TM9SF3: variants seen among roughly 807,000 people sequenced by gnomAD.
TM9SF3 encodes the protein SM-11044-binding protein.
A neutral mutation model predicts 78.6 loss-of-function variants in TM9SF3; 14 were observed. The ratio of observed to expected loss-of-function variants is 0.18; its 90% CI spans 0.12 to 0.28. TM9SF3 has a LOEUF of 0.28. Ranked by LOEUF, TM9SF3 falls within the 10% of genes least tolerant of loss-of-function variation. TM9SF3 has a pLI of 1.00. For synonymous variants in TM9SF3, 231 were observed against 241.7 expected (o/e 0.96, Z 0.41); for missense variants, 496 against 721.9 (o/e 0.69, Z 3.59).
chr10:96,525,686 C>T (rs1317649886), intron 14 of TM9SF3, among the ~76,000 whole-genome samples: 1 of 151,914 alleles, frequency 6.6e-6, no homozygotes, highest in African/African-American at 2.4e-5. Flanking sequence ...GAAAATTATC[C>T]ACTCTCTGGA....
At chr10:96,579,122 A>G (rs564451134) in intron 1 of TM9SF3, among the ~76,000 whole-genome samples, 2 of 152,372 alleles carry the variant, frequency 1.3e-5, no homozygotes, top group East Asian at 3.9e-4. Flanking sequence ...TTTAATAAAT[A>G]TGATGGGAAA....
At chr10:96,559,632 A>G (rs1328244508) in intron 5 of TM9SF3, 27 bp downstream of exon 5, 2 of 1,495,816 alleles carry the variant, frequency 1.3e-6, no homozygotes, top group Non-Finnish European at 1.8e-6. Flanking sequence ...CACATAATCA[A>G]TGTCTTAAAA....
chr10:96,528,500 C>T (rs1031353657), intron 11 of TM9SF3, among the ~76,000 whole-genome samples: 4 of 151,994 alleles, frequency 2.6e-5, no homozygotes, highest in African/African-American at 9.7e-5. Flanking sequence ...TATTTGTATC[C>T]ATATTGTTTT....
chr10:96,562,789 G>A (rs1288292170), intron 3 of TM9SF3, among the ~76,000 whole-genome samples: 1 of 152,114 alleles, frequency 6.6e-6, no homozygotes, highest in Admixed American at 6.5e-5. Context: ...GATCCACAAT[G>A]TTAGGGAAAT....
intron 6 of TM9SF3, among the ~76,000 whole-genome samples, chr10:96,552,353 G>A (rs1018265895): frequency 6.6e-6 from 1 of 152,082 alleles, no homozygotes; most frequent in African/African-American, 2.4e-5. Context: ...GGAGGCTGAG[G>A]TGGCACGATC....
At chr10:96,539,307 G>A (rs530742385) in intron 9 of TM9SF3, among the ~76,000 whole-genome samples, 37 of 152,252 alleles carry the variant, frequency 2.4e-4, no homozygotes, top group African/African-American at 8.7e-4. Flanking sequence ...TGTTTGAGCC[G>A]AGACTGCATC....
At chr10:96,567,675 C>T (rs757439413) in intron 2 of TM9SF3, among the ~76,000 whole-genome samples, 4 of 152,194 alleles carry the variant, frequency 2.6e-5, no homozygotes, top group Non-Finnish European at 5.9e-5. Flanking sequence ...TAGGCCTGTA[C>T]CATTTTCTAC....
chr10:96,527,055 T>A (rs903082823), intron 14 of TM9SF3, among the ~76,000 whole-genome samples, 158 bp downstream of exon 14: 1 of 152,110 alleles, frequency 6.6e-6, no homozygotes, highest in Non-Finnish European at 1.5e-5. Context: ...ATAAATTATG[T>A]TGTGGGGAAG....
At chr10:96,585,195 T>C (rs1394405434) in intron 1 of TM9SF3, among the ~76,000 whole-genome samples, 1 of 152,198 alleles carries the variant, frequency 6.6e-6, no homozygotes, top group African/African-American at 2.4e-5. Flanking sequence ...ATCACGGAAC[T>C]ACACATTGAG....
intron 2 of TM9SF3, among the ~76,000 whole-genome samples, chr10:96,572,081 G>A (rs1027801967): frequency 2.0e-5 from 3 of 152,100 alleles, no homozygotes; most frequent in Non-Finnish European, 4.4e-5. Context: ...CAGCAGCTTG[G>A]GGATAAATCA....
In TM9SF3 at chr10:96,518,665, G is replaced by C. The variant is rs144545344; in HGVS notation, c.*3598C>G. 37 of 152,208 alleles carry C rather than the reference G, an allele frequency of 2.4e-4. No homozygotes were observed. Among genetic ancestry groups the C allele is most frequent in the African/African-American group, 8.2e-4 (34 of 41,554 alleles). The allele number at this position is 152,208 out of a possible 1,614,324, so 9.4% of individuals were successfully genotyped here. On this transcript the variant is annotated 3_prime_UTR_variant, in exon 15 of 15. Transcript: ENST00000371142. ...GAATGCCAAATCAGATGGCTTTTAG[G>C]AAATGCTCATAGGAGAGAACTAGAG...
chr10:96,521,868 G>C lies in TM9SF3; in HGVS notation c.*395C>G, dbSNP rs1847779823. On this transcript the variant is annotated 3_prime_UTR_variant, in exon 15 of 15. Transcript: ENST00000371142. ...AATAACATAGAAACACTAAGTGCCA[G>C]GAAGATTCCTATTCATGTAATTTTA... is the stretch of plus-strand genomic sequence containing the variant. The C allele has an allele frequency of 6.0e-6, 1 of 165,396 alleles. No homozygotes were observed. Among genetic ancestry groups the C allele is most frequent in the African/African-American group, 2.4e-5 (1 of 41,610 alleles). 10.2% of individuals were successfully genotyped at this position (165,396 alleles called of 1,614,324 possible).
intron 11 of TM9SF3, 28 bp from the exon 12 acceptor site, chr10:96,528,205 T>G (rs1194803134): frequency 6.3e-7 from 1 of 1,590,974 alleles, no homozygotes. Flanking sequence ...AGACACAGGT[T>G]TCCAGTCTTT....
chr10:96,582,952 T>C (rs1848588267), intron 1 of TM9SF3, among the ~76,000 whole-genome samples: 1 of 151,790 alleles, frequency 6.6e-6, no homozygotes, highest in East Asian at 1.9e-4. Context: ...CGGTAGCACA[T>C]GCCTGTAATC....
rs1238084184 is a variant in TM9SF3 at position 96,580,501 on chromosome 10, C to T, written c.103-3672G>A. 3.3e-5 allele frequency among the ~76,000 whole-genome samples: 5 copies of T among 152,084 alleles called. No individual in the cohort carries two copies. The South Asian group carries it at 6.2e-4, about 19-fold the overall frequency. On this transcript the variant is annotated intron_variant, in intron 1 of 14. Transcript: ENST00000371142. ...CAGGACGGTCTCGATCTCCTGACCT[C>T]GTGATCCACCCGCCTCGGCCTCCCA...
At chr10:96,530,672 A>T (rs1249353104) in intron 10 of TM9SF3, 64 bp from the exon 11 acceptor site, 5 of 1,406,338 alleles carry the variant, frequency 3.6e-6, no homozygotes, top group African/African-American at 1.5e-5. Flanking sequence ...AAACACTGAT[A>T]ACAGAAAGCA....
intron 5 of TM9SF3, among the ~76,000 whole-genome samples, chr10:96,556,411 C>T (rs115104496): frequency 1.4e-3 from 219 of 152,322 alleles, no homozygotes; most frequent in African/African-American, 5.2e-3. Context: ...AGCTGAAGAA[C>T]TGAATCATTT....
chr10:96,583,601 C>T (rs539605397), intron 1 of TM9SF3, among the ~76,000 whole-genome samples: 1 of 152,178 alleles, frequency 6.6e-6, no homozygotes, highest in Non-Finnish European at 1.5e-5. Flanking sequence ...GTTCAAATCC[C>T]ACCTCTACCC....
At chr10:96,538,657 CAA>C (rs1331740235) in intron 9 of TM9SF3, among the ~76,000 whole-genome samples, 1 of 151,874 alleles carries the variant, frequency 6.6e-6, no homozygotes, top group East Asian at 1.9e-4. Context: ...CTTGTATTTA[CAA>C]TATATAAGAA....
Sources: gnomAD v4.1 joint callset for allele counts (sites outside exome capture counted in the v4.1 genomes callset) on GRCh38, gnomAD v4.1.1 for gene constraint, MANE v1.5 for transcripts, NCBI Gene and HGNC (gene_info 2026-07-23, HGNC 2026-07-21) for gene names.